The following SYT17 variants were observed in gnomAD, a reference collection of about 807,000 sequenced individuals.
The protein encoded by SYT17 is synaptotagmin 17.
SYT17 carries 22 observed loss-of-function variants against 46.7 expected under a neutral mutation model. The ratio of observed to expected loss-of-function variants is 0.47; its 90% CI spans 0.34 to 0.67. The LOEUF is 0.67. SYT17 is among the 30% of genes least tolerant of loss of function. The pLI, the probability that SYT17 is intolerant of heterozygous loss-of-function variation, is 0.01. For missense variants in SYT17, 519 were observed against 612.8 expected (o/e 0.85, Z 1.62); for synonymous variants, 251 against 248.4 (o/e 1.01, Z -0.10).
intron 7 of SYT17, among the ~76,000 whole-genome samples, chr16:19,257,448 A>T (rs899006067): frequency 5.9e-5 from 9 of 151,820 alleles, no homozygotes; most frequent in Admixed American, 2.6e-4. Flanking sequence ...CTGAAAGAAG[A>T]AAAAAAAGAG....
At chr16:19,221,515 A>G (rs1966317240) in intron 5 of SYT17, among the ~76,000 whole-genome samples, 1 of 152,248 alleles carries the variant, frequency 6.6e-6, no homozygotes, top group Non-Finnish European at 1.5e-5. Context: ...ATACACCTGC[A>G]GGCTGTTTGT....
In SYT17 at chr16:19,183,712, C is replaced by A; in HGVS notation, c.516C>A (p.Asp172Glu). 3 of 1,614,226 alleles carry A rather than the reference C, an allele frequency of 1.9e-6. No individual in the cohort carries two copies. The highest frequency in any genetic ancestry group is 1.7e-6 in the Non-Finnish European group (2 of 1,180,040). ...YSLDSNSDDV[D>E]SLTDEEILSK... ...TCGACTCCAACAGCGACGATGTGGACTCTCTGACAGACGAGGAGATCCTGT... is the reference window on the plus strand; with the variant it reads ...TCGACTCCAACAGCGACGATGTGGAATCTCTGACAGACGAGGAGATCCTGT... The change falls in exon 5 of 8, where the codon GAC becomes GAA. Residue 172 changes from aspartate to glutamate, a missense_variant. By Grantham distance (45) the Asp-to-Glu change is conservative. Transcript: ENST00000355377. This position sits in a 1 kb window ranked among gnomAD's most constrained non-coding sequence, Gnocchi z 5.6.
At chr16:19,261,287 T>G (rs1968957266) in intron 7 of SYT17, among the ~76,000 whole-genome samples, 1 of 152,236 alleles carries the variant, frequency 6.6e-6, no homozygotes, top group South Asian at 2.1e-4. Flanking sequence ...CATTTTAAAT[T>G]TTTTTAAGAC....
intron 6 of SYT17, 74 bp from the exon 7 acceptor site, chr16:19,224,609 T>G: frequency 6.6e-7 from 1 of 1,520,732 alleles, no homozygotes; most frequent in Non-Finnish European, 9.0e-7. Context: ...GGATGGGAGG[T>G]TGAATGGCAG....
intron 7 of SYT17, among the ~76,000 whole-genome samples, chr16:19,235,796 A>G (rs1966841406): frequency 1.3e-5 from 2 of 152,244 alleles, no homozygotes; most frequent in Non-Finnish European, 2.9e-5. Flanking sequence ...AATCACTGAA[A>G]CAAAATATTT....
At chr16:19,175,570 G>A (rs186523429) in intron 3 of SYT17, among the ~76,000 whole-genome samples, 5 of 148,914 alleles carry the variant, frequency 3.4e-5, no homozygotes, top group Admixed American at 6.8e-5. Flanking sequence ...AGGATCGTTT[G>A]AGCCTGGAAA....
intron 7 of SYT17, among the ~76,000 whole-genome samples, chr16:19,242,466 G>A (rs1967202363): frequency 6.6e-6 from 1 of 152,154 alleles, no homozygotes; most frequent in Non-Finnish European, 1.5e-5. Flanking sequence ...ATTAGGCAAT[G>A]AGGTCTGAGC....
Position 19,168,312 on chromosome 16 carries a change from C to A in SYT17, c.-335C>A. 1 of 370,284 alleles carries A rather than the reference C, an allele frequency of 2.7e-6. No homozygotes were observed. The highest frequency in any genetic ancestry group is 4.9e-6 in the Non-Finnish European group (1 of 205,354). The allele number at this position is 370,284 out of a possible 1,614,324, so 22.9% of individuals were successfully genotyped here. ...CAGTCCCCGCAGCTGCCCCGGGCTGCTTGCCCAGGCGCCCCGGCCTTATTC... is the reference window on the plus strand; with the variant it reads ...CAGTCCCCGCAGCTGCCCCGGGCTGATTGCCCAGGCGCCCCGGCCTTATTC... On this transcript the variant is annotated 5_prime_UTR_variant, in exon 1 of 8. Coordinates refer to ENST00000355377, the MANE Select transcript of SYT17 (RefSeq NM_016524.4). The surrounding 1 kb of genome is among the most constrained non-coding windows in gnomAD (Gnocchi z 6.9).
chr16:19,231,214 C>T (rs1170056178), intron 7 of SYT17, among the ~76,000 whole-genome samples: 2 of 152,114 alleles, frequency 1.3e-5, no homozygotes, highest in African/African-American at 4.8e-5. Context: ...GAGCCTCTAG[C>T]CTTCTCCCTC....
At chr16:19,219,408 CAAAAAAAAAAAAAAAAAAAAA>C (rs1245756343) in intron 5 of SYT17, among the ~76,000 whole-genome samples, 1 of 1,344 alleles carries the variant, frequency 7.4e-4, no homozygotes, top group African/African-American at 3.9e-3. Flanking sequence ...GACTCCGTCT[CAAAAAAAAAAAAAAAAAAAAA>C]AAAAAAAAAA....
At chr16:19,228,012 G>T (rs17221686) in intron 7 of SYT17, among the ~76,000 whole-genome samples, 21,116 of 151,542 alleles carry the variant, frequency 0.14, 1,742 homozygotes, top group Non-Finnish European at 0.18. Context: ...AGATACTGTT[G>T]CATGATGTAG....
intron 5 of SYT17, among the ~76,000 whole-genome samples, chr16:19,193,772 C>T (rs1029338871): frequency 2.0e-5 from 3 of 152,198 alleles, no homozygotes; most frequent in African/African-American, 7.2e-5. Flanking sequence ...TAGCCTACCC[C>T]AGGGGTGAGG....
chr16:19,223,375 C>A (rs1407801592), intron 6 of SYT17, among the ~76,000 whole-genome samples: 1 of 152,172 alleles, frequency 6.6e-6, no homozygotes, highest in Non-Finnish European at 1.5e-5. Context: ...CCTATTTGAA[C>A]CCAAGGAAGT....
intron 5 of SYT17, among the ~76,000 whole-genome samples, chr16:19,203,807 C>T (rs1965560414): frequency 6.6e-6 from 1 of 152,200 alleles, no homozygotes; most frequent in African/African-American, 2.4e-5. Flanking sequence ...CAGGAAAGCA[C>T]GTGGCAGGGA....
At chr16:19,211,022 A>C in intron 5 of SYT17, 1 of 164,650 alleles carries the variant, frequency 6.1e-6, no homozygotes, top group Non-Finnish European at 1.3e-5. Flanking sequence ...GGGAGAGAGA[A>C]TTTTTGTCTG....
intron 7 of SYT17, among the ~76,000 whole-genome samples, chr16:19,235,656 A>G (rs1448179363): frequency 6.6e-6 from 1 of 152,236 alleles, no homozygotes; most frequent in Non-Finnish European, 1.5e-5. Flanking sequence ...TGAAGCAACT[A>G]TTATAACCAT....
At chr16:19,259,604 G>A (rs972376262) in intron 7 of SYT17, among the ~76,000 whole-genome samples, 3 of 152,068 alleles carry the variant, frequency 2.0e-5, no homozygotes, top group African/African-American at 7.2e-5. Flanking sequence ...AAATCCATGA[G>A]CATTAAATAG....
intron 7 of SYT17, among the ~76,000 whole-genome samples, chr16:19,243,785 T>G (rs1967312518): frequency 8.1e-6 from 1 of 123,066 alleles, no homozygotes; most frequent in African/African-American, 3.2e-5. Flanking sequence ...GCCATTGCAC[T>G]CCAGCCTGGG....
At chr16:19,250,236 T>G (rs1197568444) in intron 7 of SYT17, among the ~76,000 whole-genome samples, 1 of 152,194 alleles carries the variant, frequency 6.6e-6, no homozygotes, top group African/African-American at 2.4e-5. Flanking sequence ...ATCACACATC[T>G]ATCCAACTCT....
Sources: gnomAD v4.1 joint callset for allele counts (sites outside exome capture counted in the v4.1 genomes callset) on GRCh38, gnomAD v4.1.1 for gene constraint, Gnocchi (gnomAD v3.1) non-coding constraint, MANE v1.5 for transcripts, NCBI Gene and HGNC (gene_info 2026-07-23, HGNC 2026-07-21) for gene names.